SETX: variants seen among roughly 807,000 people sequenced by gnomAD.
SETX encodes helicase senataxin.
A neutral mutation model predicts 227.2 loss-of-function variants in SETX; 90 were observed. That is an observed-to-expected ratio of 0.40 (90% CI 0.33 to 0.47). SETX has a LOEUF of 0.47. Among genes scored for constraint, SETX ranks in the 20% least tolerant of loss-of-function variants. SETX has a pLI of 0.91. For synonymous variants in SETX, 1,210 were observed against 1,113.2 expected, an observed-to-expected ratio of 1.09 and a Z score of -1.73; for missense variants, 3,052 against 3,181.5, an observed-to-expected ratio of 0.96 and a Z score of 0.98.
intron 2 of SETX, among the ~76,000 whole-genome samples, chr9:132,353,255 C>T (rs970202343): frequency 2.6e-5 from 4 of 152,134 alleles, no homozygotes; most frequent in Non-Finnish European, 5.9e-5. Context: ...TTCCTAAAAC[C>T]ATTCATGGTG....
chr9:132,326,713 T>C lies in SETX; in HGVS notation c.4885A>G (p.Lys1629Glu), dbSNP rs1362908917. ...ALSPSLKNKS[K>E]GIQSILKVPQ... ...ACTTTCAAAATCGACTGTATCCCCT[T>C]TGACTTATTTTTTAGAGACGGTGAA... The change falls in exon 10 of 26, where the codon AAG becomes GAG. Residue 1629 changes from lysine (K) to glutamate (E), a missense_variant. Physicochemically the swap from Lys to Glu is moderately conservative, Grantham distance 56. Around this residue, in one of 10 missense-constraint regions of SETX, gnomAD observed 1,483 missense variants for 1,312.0 expected, o/e 1.13. Coordinates refer to ENST00000224140, the MANE Select transcript of SETX (RefSeq NM_015046.7). 1.9e-6 allele frequency: 3 copies of C among 1,614,062 alleles called. No individual in the cohort carries two copies. The highest frequency in any genetic ancestry group is 2.5e-6 in the Non-Finnish European group (3 of 1,180,030).
intron 24 of SETX, among the ~76,000 whole-genome samples, chr9:132,269,947 A>G (rs1418825713): frequency 2.7e-5 from 2 of 73,694 alleles, no homozygotes; most frequent in Non-Finnish European, 4.5e-5. Context: ...AGAATGACTC[A>G]GCGTGCCCGT....
intron 10 of SETX, among the ~76,000 whole-genome samples, chr9:132,323,125 G>A (rs1261571847): frequency 6.6e-6 from 1 of 152,072 alleles, no homozygotes; most frequent in Admixed American, 6.6e-5. Context: ...GACAGGCCTC[G>A]CTAACATGAG....
At position 132,264,078 on chromosome 9, in the gene SETX, C is replaced by T; in HGVS notation, c.*161G>A. The T allele has an allele frequency of 1.1e-6, 1 of 945,088 alleles. No individual in the cohort carries two copies. Among genetic ancestry groups the T allele is most frequent in the East Asian group, 2.5e-5 (1 of 40,010 alleles). The allele number at this position is 945,088 out of a possible 1,614,324, so 58.5% of individuals were successfully genotyped here. On this transcript the variant is annotated 3_prime_UTR_variant, in exon 26 of 26. Coordinates refer to ENST00000224140, the MANE Select transcript of SETX (RefSeq NM_015046.7). ...AAGCTTTTGCAAATGACAGAAAATA[C>T]TGAAGATGACCAGAGGCTCAGGTGT...
At chr9:132,268,415 G>A (rs113005284) in intron 25 of SETX, among the ~76,000 whole-genome samples, 140 of 152,304 alleles carry the variant, frequency 9.2e-4, no homozygotes, top group African/African-American at 3.3e-3. Context: ...GTGGGAGAAC[G>A]GCTTAAATCC....
At chr9:132,295,799 C>G in intron 15 of SETX, 73 bp downstream of exon 15, 1 of 1,410,860 alleles carries the variant, frequency 7.1e-7, no homozygotes. Context: ...CTGCTCTTTC[C>G]TTTGTCATTC....
At chr9:132,288,175 C>CAA in intron 17 of SETX, 61 bp downstream of exon 17, 8 of 1,348,226 alleles carry the variant, frequency 5.9e-6, no homozygotes, top group East Asian at 4.8e-5. Context: ...GACTCTGTCT[C>CAA]AAAAAAAACT....
In SETX at chr9:132,305,426, T is replaced by A. The variant is rs539345600; in HGVS notation, c.5375-4623A>T. Among the ~76,000 whole-genome samples, 145 of 151,238 alleles carry A rather than the reference T, an allele frequency of 9.6e-4. 1 individual carries two copies. The highest frequency in any genetic ancestry group is 3.1e-3 in the African/African-American group (127 of 41,286). ...AAAAAATTTAAAAAAAATTTTTTTT[T>A]AAAAAGGACAAGAAACTGGATATTT... On this transcript the variant is annotated intron_variant, in intron 11 of 25. Transcript: ENST00000224140.
At chr9:132,271,673 A>G in intron 24 of SETX, 37 bp downstream of exon 24, 1 of 1,494,044 alleles carries the variant, frequency 6.7e-7, no homozygotes, top group Non-Finnish European at 9.3e-7. Context: ...GCAACAATGT[A>G]TACAAGTATA....
At chr9:132,314,912 T>TG (rs1564523551) in intron 10 of SETX, among the ~76,000 whole-genome samples, 1 of 111,630 alleles carries the variant, frequency 9.0e-6, no homozygotes, top group Non-Finnish European at 1.7e-5. Flanking sequence ...TTGTGTTTTT[T>TG]TTTTTTTTTT....
At chr9:132,277,215 T>G in intron 21 of SETX, 63 bp from the exon 22 acceptor site, 1 of 1,462,070 alleles carries the variant, frequency 6.8e-7, no homozygotes, top group Non-Finnish European at 9.4e-7. Flanking sequence ...AATATCTTGG[T>G]ATTACTACAA....
At chr9:132,313,239 A>G (rs575452267) in intron 10 of SETX, among the ~76,000 whole-genome samples, 16 of 152,326 alleles carry the variant, frequency 1.1e-4, no homozygotes, top group African/African-American at 3.4e-4. Flanking sequence ...GGTATAGTAT[A>G]CCTTAATAAA....
At chr9:132,336,600 T>C (rs1847636909) in intron 5 of SETX, 85 bp from the exon 6 acceptor site, 2 of 1,004,460 alleles carry the variant, frequency 2.0e-6, no homozygotes, top group Non-Finnish European at 3.2e-6. Context: ...CAGGATTCTC[T>C]GCATATTTTA....
intron 23 of SETX, among the ~76,000 whole-genome samples, chr9:132,272,485 A>AAG (rs56745764): frequency 0.013 from 1,915 of 151,000 alleles, 50 homozygotes; most frequent in African/African-American, 0.044. Flanking sequence ...TAAAAAAAAA[A>AAG]AGAGAGAGAG....
At chr9:132,340,045 T>C (rs957951363) in intron 5 of SETX, among the ~76,000 whole-genome samples, 9 of 152,162 alleles carry the variant, frequency 5.9e-5, no homozygotes, top group Non-Finnish European at 8.8e-5. Flanking sequence ...TATTTCTCTT[T>C]TTCTTCTTAG....
intron 11 of SETX, among the ~76,000 whole-genome samples, chr9:132,310,284 A>C (rs934108804): frequency 6.6e-6 from 1 of 152,272 alleles, no homozygotes. Context: ...AAGACACAGA[A>C]AAATGCAACT....
intron 25 of SETX, among the ~76,000 whole-genome samples, chr9:132,267,041 TAA>T (rs1842684299): frequency 1.3e-5 from 2 of 152,234 alleles, no homozygotes; most frequent in Admixed American, 6.5e-5. Context: ...TCTAAAGTCT[TAA>T]GAGTCCTTTC....
At chr9:132,311,346 A>C (rs1845640503) in intron 11 of SETX, among the ~76,000 whole-genome samples, 1 of 152,060 alleles carries the variant, frequency 6.6e-6, no homozygotes, top group Non-Finnish European at 1.5e-5. Context: ...TTTTATTTTA[A>C]AGAGTTCTGA....
intron 18 of SETX, among the ~76,000 whole-genome samples, chr9:132,283,844 C>CT (rs1843677714): frequency 6.6e-6 from 1 of 151,204 alleles, no homozygotes; most frequent in Non-Finnish European, 1.5e-5. Flanking sequence ...ATTGCCCTGT[C>CT]TTTTTTTAGT....
Sources: allele counts gnomAD v4.1 joint callset (sites outside exome capture counted in the v4.1 genomes callset), GRCh38; gene constraint gnomAD v4.1.1; regional missense constraint gnomAD v4.1.1; transcripts MANE v1.5; gene names NCBI Gene and HGNC (gene_info 2026-07-23, HGNC 2026-07-21).